Variants in ETV1 observed in about 807,000 individuals in gnomAD.
ETV1 encodes the protein ETS translocation variant 1.
A neutral mutation model predicts 62.3 loss-of-function variants in ETV1; 27 were observed. The ratio of observed to expected loss-of-function variants is 0.43; its 90% confidence interval spans 0.32 to 0.60. ETV1 has a LOEUF of 0.60. ETV1 is among the 20% of genes least tolerant of loss of function. The pLI, the probability that ETV1 is intolerant of heterozygous loss-of-function variation, is 0.06. For synonymous variants in ETV1, 222 were observed against 199.6 expected, an observed-to-expected ratio of 1.11 and a Z score of -0.94; for missense variants, 605 against 605.8, an observed-to-expected ratio of 1.00 and a Z score of 0.01.
At chr7:13,911,922 C>A (rs1222973194) in intron 9 of ETV1, among the ~76,000 whole-genome samples, 1 of 152,150 alleles carries the variant, frequency 6.6e-6, no homozygotes. Context: ...TTTAGCCCAA[C>A]TTCTTAACCA....
intron 9 of ETV1, among the ~76,000 whole-genome samples, chr7:13,928,165 T>C (rs947607755): frequency 2.0e-5 from 3 of 152,226 alleles, no homozygotes; most frequent in Non-Finnish European, 4.4e-5. Context: ...CAGCACAAGA[T>C]GCTGTATTTC....
chr7:13,954,501 T>C (rs1273577963), intron 6 of ETV1, among the ~76,000 whole-genome samples: 1 of 152,252 alleles, frequency 6.6e-6, no homozygotes, highest in Non-Finnish European at 1.5e-5. Context: ...GTTTGTGCAT[T>C]ACCTGTTTAA....
At chr7:13,926,584 A>C (rs1785451920) in intron 9 of ETV1, among the ~76,000 whole-genome samples, 1 of 152,170 alleles carries the variant, frequency 6.6e-6, no homozygotes, top group South Asian at 2.1e-4. Context: ...AACACTTCTT[A>C]TGTGGGCATT....
chr7:13,902,759 A>G (rs1246183731), intron 12 of ETV1, among the ~76,000 whole-genome samples: 2 of 152,198 alleles, frequency 1.3e-5, no homozygotes, highest in Non-Finnish European at 2.9e-5. Flanking sequence ...TAGAAAATAA[A>G]ATACTCACAT....
intron 9 of ETV1, 61 bp downstream of exon 9, chr7:13,931,441 C>A: frequency 3.8e-6 from 6 of 1,598,474 alleles, no homozygotes; most frequent in Non-Finnish European, 5.1e-6. Context: ...CAACACTAAC[C>A]AATGTGACAA....
intron 4 of ETV1, among the ~76,000 whole-genome samples, 166 bp downstream of exon 4, chr7:13,987,920 A>T (rs952942234): frequency 1.3e-5 from 2 of 152,204 alleles, no homozygotes; most frequent in African/African-American, 4.8e-5. Context: ...ATAGTCTCCC[A>T]TGCAAACTGC....
At chr7:13,918,665 A>G (rs1432513934) in intron 9 of ETV1, among the ~76,000 whole-genome samples, 1 of 151,176 alleles carries the variant, frequency 6.6e-6, no homozygotes, top group Non-Finnish European at 1.5e-5. Context: ...ATAGGTGGGA[A>G]CTGAACAATG....
chr7:13,913,950 T>C (rs1783850919), intron 9 of ETV1, among the ~76,000 whole-genome samples: 1 of 141,074 alleles, frequency 7.1e-6, no homozygotes, highest in Admixed American at 7.7e-5. Context: ...AGTGCCGTGA[T>C]CTCAGCTCAC....
intron 6 of ETV1, among the ~76,000 whole-genome samples, chr7:13,944,899 C>A (rs1015223309): frequency 6.6e-6 from 1 of 152,060 alleles, no homozygotes; most frequent in Admixed American, 6.6e-5. Context: ...GAGACTGCTA[C>A]GTGAAAATGA....
At chr7:13,916,481 T>C (rs892881947) in intron 9 of ETV1, among the ~76,000 whole-genome samples, 2 of 151,780 alleles carry the variant, frequency 1.3e-5, no homozygotes, top group South Asian at 2.1e-4. Context: ...CTACTAAAAA[T>C]ACAAAATTTA....
chr7:13,986,133 G>C, intron 5 of ETV1: 3 of 1,591,556 alleles, frequency 1.9e-6, no homozygotes, highest in Non-Finnish European at 2.6e-6. Context: ...TCTGTGTTGT[G>C]AACAAGGTGG....
intron 6 of ETV1, among the ~76,000 whole-genome samples, chr7:13,942,467 C>T (rs1396639636): frequency 6.6e-6 from 1 of 151,996 alleles, no homozygotes; most frequent in Non-Finnish European, 1.5e-5. Context: ...TAGGTAAGCT[C>T]GTGTCATGGG....
chr7:13,926,788 G>C (rs1477623650), intron 9 of ETV1, among the ~76,000 whole-genome samples: 1 of 152,054 alleles, frequency 6.6e-6, no homozygotes, highest in African/African-American at 2.4e-5. Context: ...TACTGTACTG[G>C]TTCATTAAGC....
intron 7 of ETV1, 86 bp from the exon 8 acceptor site, chr7:13,935,982 AT>A: frequency 9.4e-7 from 1 of 1,064,654 alleles, no homozygotes; most frequent in Non-Finnish European, 1.4e-6. Context: ...AAGAAAAGAT[AT>A]TTTAGACTTA....
chr7:13,945,909 G>A (rs1788103941), intron 6 of ETV1, among the ~76,000 whole-genome samples: 2 of 152,200 alleles, frequency 1.3e-5, no homozygotes, highest in Non-Finnish European at 1.5e-5. Flanking sequence ...ATCATCTGGA[G>A]TCATGATCAA....
chr7:13,988,701 G>C (rs1782792275), intron 3 of ETV1: 1 of 1,612,042 alleles, frequency 6.2e-7, no homozygotes, highest in Non-Finnish European at 8.5e-7. Flanking sequence ...CAATGTGGCA[G>C]ACAAACCCAG....
At chr7:13,956,427 C>A (rs1056030374) in intron 6 of ETV1, among the ~76,000 whole-genome samples, 16 of 152,048 alleles carry the variant, frequency 1.1e-4, no homozygotes, top group Admixed American at 3.3e-4. Context: ...TCATTTCCAT[C>A]CTTCAGGAAC....
Position 13,900,363 on chromosome 7 carries a change from C to A in ETV1, c.1212+375G>T, listed in dbSNP as rs146598474. The A allele has an allele frequency of 4.9e-3, 826 of 169,022 alleles. 4 individuals are homozygous for A. Among genetic ancestry groups the A allele is most frequent in the African/African-American group, 0.018 (764 of 42,292 alleles). 10.5% of individuals were successfully genotyped at this position (169,022 alleles called of 1,614,324 possible). On this transcript the variant is annotated intron_variant, in intron 13 of 13. Transcript: ENST00000430479. ...TAAGAATCAAAACAAGAAAAAAGTA[C>A]AAATTTATTCTAAAGATTCTTTATT...
At chr7:13,924,009 G>A (rs573103679) in intron 9 of ETV1, among the ~76,000 whole-genome samples, 41 of 151,668 alleles carry the variant, frequency 2.7e-4, no homozygotes, top group Middle Eastern at 6.8e-3. Context: ...TACTCCAGCC[G>A]GGGCAACAAG....
Sources: gnomAD v4.1 joint callset for allele counts (sites outside exome capture counted in the v4.1 genomes callset) on GRCh38, gnomAD v4.1.1 for gene constraint, MANE v1.5 for transcripts, NCBI Gene and HGNC (gene_info 2026-07-23, HGNC 2026-07-21) for gene names.